Variants in GRIP1 observed in about 807,000 individuals in gnomAD.
GRIP1 encodes the protein glutamate receptor-interacting protein 1.
In GRIP1, 45 loss-of-function variants were observed where a neutral mutation model predicts 129.9. The ratio of observed to expected loss-of-function variants is 0.35; its 90% CI spans 0.27 to 0.44. The LOEUF is 0.44. GRIP1 is among the 20% of genes least tolerant of loss of function. GRIP1 has a pLI of 1.00. For synonymous variants in GRIP1, 530 were observed against 520.8 expected (o/e 1.02, Z -0.24); for missense variants, 1,196 against 1,396.8 (o/e 0.86, Z 2.29).
Position 66,974,620 on chromosome 12 carries a change from T to C in GRIP1, c.58+94430A>G, listed in dbSNP as rs530277724. ...TGTTCTCTGGAATTTTTAAATAAGA[T>C]ATAAAAATAAAACGCTCATTATAAA... On this transcript the variant is annotated intron_variant, in intron 1 of 1. Transcript: ENST00000643019. 3.9e-5 allele frequency among the ~76,000 whole-genome samples: 6 copies of C among 152,294 alleles called. No homozygotes were observed. In the South Asian group the frequency reaches 1.2e-3, roughly 32 times the overall value.
chr12:66,541,713 A>G, intron 3 of GRIP1, 102 bp downstream of exon 3: 1 of 1,197,682 alleles, frequency 8.3e-7, no homozygotes, highest in South Asian at 1.2e-5. Context: ...GGCAGATGGC[A>G]GCTGTCATTT....
chr12:66,469,703 A>G (rs1265595316), intron 7 of GRIP1, among the ~76,000 whole-genome samples: 1 of 152,074 alleles, frequency 6.6e-6, no homozygotes, highest in East Asian at 1.9e-4. Flanking sequence ...CTTATTGACA[A>G]CAGTCTACAG....
intron 2 of GRIP1, among the ~76,000 whole-genome samples, chr12:66,592,319 C>T (rs974949857): frequency 6.6e-6 from 1 of 152,144 alleles, no homozygotes; most frequent in African/African-American, 2.4e-5. Context: ...TTCTCAGCTT[C>T]ATATTTTTAC....
At chr12:66,795,564 A>G (rs974731262) in intron 1 of GRIP1, among the ~76,000 whole-genome samples, 1 of 152,212 alleles carries the variant, frequency 6.6e-6, no homozygotes, top group Non-Finnish European at 1.5e-5. Context: ...ATTTATTTTT[A>G]AACATAAAAG....
At chr12:66,628,303 CAA>C (rs59242724) in intron 1 of GRIP1, among the ~76,000 whole-genome samples, 3,302 of 152,254 alleles carry the variant, frequency 0.022, 118 homozygotes, top group African/African-American at 0.075. Flanking sequence ...ATTATGCCTT[CAA>C]TAAAAATTCC....
chr12:67,015,874 C>T (rs1405599141), intron 1 of GRIP1, among the ~76,000 whole-genome samples: 1 of 152,144 alleles, frequency 6.6e-6, no homozygotes, highest in Non-Finnish European at 1.5e-5. Context: ...AAGAAAGTAG[C>T]ATTAGAATAG....
At chr12:66,797,679 T>C (rs570123066) in intron 1 of GRIP1, among the ~76,000 whole-genome samples, 12 of 152,306 alleles carry the variant, frequency 7.9e-5, no homozygotes, top group African/African-American at 2.6e-4. Flanking sequence ...AACTTGAAAC[T>C]AGCTGATCTG....
chr12:66,551,320 C>T lies in GRIP1; in HGVS notation c.137-9370G>A, dbSNP rs151170104. ...GAAATGTCGTCAGTCCATAGCATGG[C>T]CTGGGAGCCTGAAAGGGAATAACAG... On this transcript the variant is annotated intron_variant, in intron 2 of 24. Transcript: ENST00000359742. 2.2e-4 allele frequency among the ~76,000 whole-genome samples: 34 copies of T among 152,286 alleles called. No homozygotes were observed. The East Asian group carries it at 5.8e-3, about 26-fold the overall frequency.
chr12:66,648,932 A>G (rs1233161965), intron 1 of GRIP1, among the ~76,000 whole-genome samples: 1 of 152,192 alleles, frequency 6.6e-6, no homozygotes, highest in Non-Finnish European at 1.5e-5. Context: ...ATAATTGAAC[A>G]CTATTTATAA....
At chr12:66,417,989 G>C (rs1331918385) in intron 15 of GRIP1, among the ~76,000 whole-genome samples, 2 of 151,932 alleles carry the variant, frequency 1.3e-5, no homozygotes, top group Non-Finnish European at 2.9e-5. Context: ...ATTCTATCCT[G>C]AGCAAAAAGA....
chr12:66,445,446 C>T lies in GRIP1; in HGVS notation c.1417G>A (p.Val473Ile), dbSNP rs569848570. Residue 473 changes from valine (V) to isoleucine (I), a missense_variant, in exon 12 of 25, where the codon GTT becomes ATT. By Grantham distance (29) the Val-to-Ile change is conservative. Coordinates refer to ENST00000359742, the MANE Select transcript of GRIP1 (RefSeq NM_001366722.1). ...GQVVHTETTE[V>I]VLTADPVTGF... ...GTGACAGGATCTGCCGTCAGCACAACCTCTGTGGTTTCTGTGTGAACAACC... is the reference window on the plus strand; with the variant it reads ...GTGACAGGATCTGCCGTCAGCACAATCTCTGTGGTTTCTGTGTGAACAACC... 24 of 1,614,156 alleles carry T rather than the reference C, an allele frequency of 1.5e-5. No individual in the cohort carries two copies. The South Asian group carries it at 2.4e-4, about 16-fold the overall frequency.
intron 1 of GRIP1, among the ~76,000 whole-genome samples, chr12:66,827,417 C>T (rs538247799): frequency 5.0e-5 from 6 of 120,202 alleles, no homozygotes; most frequent in South Asian, 2.5e-4. Flanking sequence ...AGAGAGAGAG[C>T]GCACAAGACA....
intron 14 of GRIP1, among the ~76,000 whole-genome samples, chr12:66,427,017 G>A (rs780073427): frequency 3.3e-5 from 5 of 152,040 alleles, no homozygotes; most frequent in African/African-American, 7.2e-5. Flanking sequence ...CTTCGGAGTC[G>A]GAGAAGGCAT....
At chr12:66,741,938 C>T (rs2036801214) in intron 1 of GRIP1, among the ~76,000 whole-genome samples, 1 of 152,164 alleles carries the variant, frequency 6.6e-6, no homozygotes, top group South Asian at 2.1e-4. Context: ...CTTTTCATTG[C>T]TTCCCAACCT....
chr12:66,449,189 CT>C (rs2058709051), intron 11 of GRIP1, among the ~76,000 whole-genome samples: 1 of 152,202 alleles, frequency 6.6e-6, no homozygotes, highest in African/African-American at 2.4e-5. Context: ...CCACCTGACC[CT>C]GAGTTTTTGA....
chr12:66,907,528 G>A (rs2040954104), intron 1 of GRIP1, among the ~76,000 whole-genome samples: 1 of 152,164 alleles, frequency 6.6e-6, no homozygotes, highest in South Asian at 2.1e-4. Context: ...GTTCCCAGGA[G>A]GAAGCAGAGG....
intron 2 of GRIP1, among the ~76,000 whole-genome samples, chr12:66,583,639 C>G (rs1807602060): frequency 7.2e-6 from 1 of 139,742 alleles, no homozygotes; most frequent in African/African-American, 2.6e-5. Context: ...TTTACGCAGC[C>G]AAAAAACACA....
rs535779185 is a variant in GRIP1, at chr12:66,634,365, T to C, written c.56-37438A>G. Among the ~76,000 whole-genome samples, 6 of 152,340 alleles carry C rather than the reference T, an allele frequency of 3.9e-5. No homozygotes were observed. The East Asian group carries it at 7.7e-4, about 20-fold the overall frequency. ...AATCTATAGTATTACTTGGCAATTT[T>C]AGTGCTTTACTTTTTGCAGCCAATC... is the stretch of plus-strand genomic sequence containing the variant. On this transcript the variant is annotated intron_variant, in intron 1 of 24. Transcript: ENST00000359742.
At chr12:66,553,321 C>T (rs2139329904) in intron 2 of GRIP1, among the ~76,000 whole-genome samples, 1 of 152,154 alleles carries the variant, frequency 6.6e-6, no homozygotes, top group South Asian at 2.1e-4. Flanking sequence ...TCCCTCTCTT[C>T]CTCATTTCCT....
Sources: allele counts gnomAD v4.1 joint callset (sites outside exome capture counted in the v4.1 genomes callset), GRCh38; gene constraint gnomAD v4.1.1; transcripts MANE v1.5; gene names NCBI Gene and HGNC (gene_info 2026-07-23, HGNC 2026-07-21).